RAI1: variants seen among roughly 807,000 people sequenced by gnomAD.
RAI1 encodes the protein retinoic acid induced 1, also known as retinoic acid-induced protein 1.
Under a neutral mutation model 123.8 loss-of-function variants are expected in RAI1, and 9 were observed. The observed-to-expected ratio is 0.07, with a 90% CI of 0.04 to 0.13. RAI1 has a LOEUF of 0.13. Ranked by LOEUF, RAI1 falls within the 10% of genes least tolerant of loss-of-function variation. The probability of loss-of-function intolerance (pLI) is 1.00; values close to 1 mark genes in which losing one functional copy is unlikely to be tolerated. For synonymous variants in RAI1, 1,231 were observed against 1,127.3 expected, an observed-to-expected ratio of 1.09 and a Z score of -1.84; for missense variants, 2,256 against 2,545.8, an observed-to-expected ratio of 0.89 and a Z score of 2.45.
At chr17:17,747,664 C>T (rs9900803) in intron 2 of RAI1, among the ~76,000 whole-genome samples, 91,873 of 151,964 alleles carry the variant, frequency 0.6, 28,862 homozygotes, top group Non-Finnish European at 0.67. Context: ...GTTGGAGCTG[C>T]CCTCTTGTGC....
At chr17:17,741,109 ACACT>A (rs1225972135) in intron 2 of RAI1, among the ~76,000 whole-genome samples, 6 of 151,874 alleles carry the variant, frequency 4.0e-5, no homozygotes, top group South Asian at 4.2e-4. Flanking sequence ...ACACACACAC[ACACT>A]CGCGCACGCA....
rs896961137 is a variant in RAI1 at position 17,714,484 on chromosome 17, A to G, written c.-148-9544A>G. Among the ~76,000 whole-genome samples the G allele has an allele frequency of 1.3e-5, 2 of 152,190 alleles. No homozygotes were observed. Among genetic ancestry groups the G allele is most frequent in the Non-Finnish European group, 2.9e-5 (2 of 68,044 alleles). ...TCTCCATAGGCCAGGAGGGAATGAT[A>G]ATCATCAGTGCTAACATTTACGGAG... is the stretch of plus-strand genomic sequence containing the variant. On this transcript the variant is annotated intron_variant, in intron 1 of 5. Transcript: ENST00000353383. This position sits in a 1 kb window ranked among gnomAD's most constrained non-coding sequence, Gnocchi z 4.9.
At chr17:17,710,052 A>G (rs1915516411) in intron 1 of RAI1, among the ~76,000 whole-genome samples, 1 of 151,512 alleles carries the variant, frequency 6.6e-6, no homozygotes, top group African/African-American at 2.4e-5. Flanking sequence ...TCACACACAC[A>G]CTCTGCACCA....
chr17:17,741,856 G>T (rs1916648312), intron 2 of RAI1, among the ~76,000 whole-genome samples: 1 of 152,280 alleles, frequency 6.6e-6, no homozygotes, highest in Non-Finnish European at 1.5e-5. Context: ...TTCGGTGCCA[G>T]TGGAAGGGGA....
At chr17:17,684,503 C>G (rs922770345) in intron 1 of RAI1, 1 of 151,634 alleles carries the variant, frequency 6.6e-6, no homozygotes, top group African/African-American at 2.4e-5. Context: ...CCTAATAATT[C>G]CTCTCATGTT....
intron 1 of RAI1, among the ~76,000 whole-genome samples, chr17:17,701,440 G>T (rs1392466474): frequency 2.0e-5 from 3 of 152,034 alleles, no homozygotes; most frequent in Non-Finnish European, 4.4e-5. Context: ...TGGGATAGGC[G>T]CCTGCCCCTC....
Position 17,796,828 on chromosome 17 carries a change from C to A in RAI1, c.3880C>A (p.Pro1294Thr), listed in dbSNP as rs149103415. 5 of 1,611,112 alleles carry A rather than the reference C, an allele frequency of 3.1e-6. No individual in the cohort carries two copies. The highest frequency in any genetic ancestry group is 4.2e-6 in the Non-Finnish European group (5 of 1,178,530). ...TGGCGAGCCTGCCACAAAGCTCCCA[C>A]CCCCGGAGACCCCCGATGCCTGCCT... ...GNGEPATKLP[P>T]PETPDACLKL... The change falls in exon 3 of 6, where the codon CCC (proline) becomes ACC (threonine). Residue 1294 changes from proline to threonine, a missense_variant. By Grantham distance (38) the Pro-to-Thr change is conservative. Transcript: ENST00000353383. The surrounding 1 kb of genome is among the most constrained non-coding windows in gnomAD (Gnocchi z 5.8).
intron 4 of RAI1, among the ~76,000 whole-genome samples, chr17:17,804,840 TTTTATTTATTTA>T (rs575206893): frequency 3.9e-4 from 59 of 149,464 alleles, no homozygotes; most frequent in South Asian, 8.4e-4. Context: ...GTGTTTTTAT[TTTTATTTATTTA>T]TTTATTTATT....
intron 1 of RAI1, among the ~76,000 whole-genome samples, chr17:17,719,241 AGTCT>A (rs1567845995): frequency 6.6e-6 from 1 of 152,168 alleles, no homozygotes; most frequent in East Asian, 1.9e-4. Flanking sequence ...CATCTCGTTC[AGTCT>A]AAGAGCCAAA....
At chr17:17,803,592 C>A (rs2032530318) in intron 3 of RAI1, among the ~76,000 whole-genome samples, 164 bp from the exon 4 acceptor site, 1 of 152,134 alleles carries the variant, frequency 6.6e-6, no homozygotes, top group African/African-American at 2.4e-5. Flanking sequence ...CACCATGTTG[C>A]CCAGGCTGGT....
At chr17:17,772,980 T>C (rs888628552) in intron 2 of RAI1, among the ~76,000 whole-genome samples, 2 of 148,140 alleles carry the variant, frequency 1.4e-5, no homozygotes, top group Non-Finnish European at 3.0e-5. Flanking sequence ...GGGTGGGTGA[T>C]TGTGAGGTAT....
At chr17:17,779,625 T>C (rs1488402382) in intron 2 of RAI1, 1 of 152,258 alleles carries the variant, frequency 6.6e-6, no homozygotes, top group Non-Finnish European at 1.5e-5. Context: ...ACAAGACCCA[T>C]GTGGACTTAG....
At chr17:17,742,780 T>C (rs1916687986) in intron 2 of RAI1, among the ~76,000 whole-genome samples, 1 of 151,984 alleles carries the variant, frequency 6.6e-6, no homozygotes, top group Admixed American at 6.6e-5. Context: ...GGTTTGGGGG[T>C]CCTTGCACAC....
At chr17:17,686,314 T>C (rs1480716478) in intron 1 of RAI1, among the ~76,000 whole-genome samples, 1 of 7,216 alleles carries the variant, frequency 1.4e-4, no homozygotes. Context: ...GTGAGGGGCT[T>C]GGTGGGGTCG....
chr17:17,686,105 G>A (rs934375377), intron 1 of RAI1, among the ~76,000 whole-genome samples: 4 of 152,240 alleles, frequency 2.6e-5, no homozygotes, highest in African/African-American at 9.6e-5. Context: ...CTGAAAGCAC[G>A]TCTCCTTGCT....
intron 2 of RAI1, among the ~76,000 whole-genome samples, chr17:17,727,061 A>G (rs1382382511): frequency 6.6e-6 from 1 of 152,224 alleles, no homozygotes; most frequent in African/African-American, 2.4e-5. Context: ...TATATTTTGT[A>G]TAGCTTTTCT....
At position 17,793,298 on chromosome 17, in the gene RAI1, G is replaced by A. The variant is rs754973304; in HGVS notation, c.350G>A (p.Ser117Asn). 3 of 1,612,494 alleles carry A rather than the reference G, an allele frequency of 1.9e-6. No homozygotes were observed. Among genetic ancestry groups the A allele is most frequent in the Admixed American group, 3.3e-5 (2 of 59,954 alleles). Residue 117 changes from serine to asparagine, a missense_variant, in exon 3 of 6, where the codon AGC becomes AAC. Transcript: ENST00000353383. ...CCAGGCCGCTATGCTGGTGAGGAGA[G>A]CCTTCAGGCTTGGGGGGCCCCACAG... is the stretch of plus-strand genomic sequence containing the variant. ...PYPGRYAGEE[S>N]LQAWGAPQPP...
chr17:17,688,413 G>C (rs561457371), intron 1 of RAI1, among the ~76,000 whole-genome samples: 2 of 151,496 alleles, frequency 1.3e-5, no homozygotes, highest in Non-Finnish European at 2.9e-5. Context: ...GAACCCCGGG[G>C]GGTGGAAGTT....
rs565693076 is a variant in RAI1, at chr17:17,744,361, G to T, written c.-17+20202G>T. 3.2e-4 allele frequency among the ~76,000 whole-genome samples: 49 copies of T among 152,320 alleles called. No homozygotes were observed. In the Middle Eastern group the frequency reaches 0.017, roughly 53 times the overall value. ...CTGTACCCTCAGGGTGGCCATGAGG[G>T]TCAGTAGCCAGAAAGGCAAGGCCCC... On this transcript the variant is annotated intron_variant, in intron 2 of 5. Transcript: ENST00000353383.
Sources: allele counts gnomAD v4.1 joint callset (sites outside exome capture counted in the v4.1 genomes callset), GRCh38; gene constraint gnomAD v4.1.1; non-coding constraint Gnocchi (gnomAD v3.1); transcripts MANE v1.5; gene names NCBI Gene and HGNC (gene_info 2026-07-23, HGNC 2026-07-21).